Variants in KDM1B observed in about 807,000 individuals in gnomAD.
The protein encoded by KDM1B is lysine-specific histone demethylase 2.
In KDM1B, 63 loss-of-function variants were observed where a neutral mutation model predicts 107.4. The ratio of observed to expected loss-of-function variants is 0.59; its 90% CI spans 0.48 to 0.72. KDM1B has a LOEUF of 0.72. KDM1B is among the 30% of genes least tolerant of loss of function. The pLI, the probability that KDM1B is intolerant of heterozygous loss-of-function variation, is 0.00. For missense variants in KDM1B, 749 were observed against 1,020.8 expected (o/e 0.73, Z 3.63); for synonymous variants, 363 against 363.9 (o/e 1.00, Z 0.03).
rs1788022372 is a variant in KDM1B at position 18,201,406 on chromosome 6, C to T, written c.1360-80C>T. The T allele has an allele frequency of 1.3e-5, 13 of 1,016,316 alleles. No homozygotes were observed. The South Asian group carries it at 2.2e-4, about 17-fold the overall frequency. 63.0% of individuals were successfully genotyped at this position (1,016,316 alleles called of 1,614,324 possible). A position where few individuals can be genotyped will look rare whatever the true frequency, so the allele number is the denominator to read the frequency against. ...TGAGACCATTTTCTCCATGAGAGCT[C>T]TGTCTGATTTTCAGCTTAGAACCTG... On this transcript the variant is annotated intron_variant, in intron 13 of 21. Coordinates refer to ENST00000650836, the MANE Select transcript of KDM1B (RefSeq NM_001364614.2). This position sits in a 1 kb window ranked among gnomAD's most constrained non-coding sequence, Gnocchi z 4.3.
In KDM1B at chr6:18,202,248, C is replaced by A. The variant is rs172521; in HGVS notation, c.1531+591C>A. Among the ~76,000 whole-genome samples, 10 of 149,150 alleles carry A rather than the reference C, an allele frequency of 6.7e-5. No individual in the cohort carries two copies. The South Asian group carries it at 2.1e-3, about 32-fold the overall frequency. On this transcript the variant is annotated intron_variant, in intron 14 of 21. Transcript: ENST00000650836. ...GCCTTGTGTCTACAAAAAAAAAGGG[C>A]GGGGGGCAAGCATGGTGGTGTGTGT... is the stretch of plus-strand genomic sequence containing the variant.
intron 9 of KDM1B, among the ~76,000 whole-genome samples, chr6:18,189,637 A>G (rs1006266013): frequency 3.3e-5 from 5 of 152,226 alleles, no homozygotes; most frequent in African/African-American, 1.2e-4. Context: ...GGTATTGTAC[A>G]CATTAAAAAG....
chr6:18,207,494 C>T lies in KDM1B; in HGVS notation c.1756C>T (p.Leu586=). Residue 586 remains leucine (L), a synonymous_variant, in exon 16 of 22, where the codon CTG becomes TTG. Transcript: ENST00000650836. The part of the protein sequence containing the change: ...TPGYSVIIEK[L]AEGLDIQLKS... ...CGGGTACTCGGTGATAATTGAAAAACTGGCAGAAGGGCTTGACATTCAACT... is the reference window on the plus strand; with the variant it reads ...CGGGTACTCGGTGATAATTGAAAAATTGGCAGAAGGGCTTGACATTCAACT... The T allele has an allele frequency of 6.2e-7, 1 of 1,614,244 alleles. No individual in the cohort carries two copies. Among genetic ancestry groups the T allele is most frequent in the Non-Finnish European group, 8.5e-7 (1 of 1,180,032 alleles).
Position 18,197,739 on chromosome 6 carries a change from A to C in KDM1B, c.1221+78A>C. On this transcript the variant is annotated intron_variant, in intron 12 of 21. Transcript: ENST00000650836. This position sits in a 1 kb window ranked among gnomAD's most constrained non-coding sequence, Gnocchi z 4.5. ...TCCAAATTTCTAAGATTTAGAAACC[A>C]GTTCCTATTTTTAGTGAAGAATACT... 1.0e-6 allele frequency: 1 copy of C among 1,004,206 alleles called. No homozygotes were observed. The highest frequency in any genetic ancestry group is 1.5e-6 in the Non-Finnish European group (1 of 657,126). 62.2% of individuals were successfully genotyped at this position (1,004,206 alleles called of 1,614,324 possible).
chr6:18,217,108 A>G (rs2151041284), intron 20 of KDM1B, among the ~76,000 whole-genome samples: 1 of 152,274 alleles, frequency 6.6e-6, no homozygotes, highest in East Asian at 1.9e-4. Flanking sequence ...CACGATGGAA[A>G]AGGGAAGGCC....
intron 15 of KDM1B, 80 bp from the exon 16 acceptor site, chr6:18,207,318 C>T (rs1327366497): frequency 6.5e-7 from 1 of 1,544,098 alleles, no homozygotes; most frequent in Non-Finnish European, 8.9e-7. Context: ...GCTGTTCCCA[C>T]CTGGAGCTCC....
rs766429003 is a variant in KDM1B at position 18,207,349 on chromosome 6, A to G, written c.1660-49A>G. The G allele has an allele frequency of 2.3e-5, 36 of 1,596,562 alleles. No individual in the cohort carries two copies. The South Asian group carries it at 3.5e-4, about 16-fold the overall frequency. On this transcript the variant is annotated intron_variant, in intron 15 of 21. Transcript: ENST00000650836. ...GCTCCTCATATTGGCTCTCAGGCAC[A>G]GGCACAAGGATTTACACTGCTGTGT... is the stretch of plus-strand genomic sequence containing the variant.
Position 18,166,344 on chromosome 6 carries a change from A to G in KDM1B, c.383A>G (p.Lys128Arg). The change falls in exon 6 of 22, where the codon AAA becomes AGA. Residue 128 changes from lysine to arginine, a missense_variant. Lys to Arg is a conservative substitution (Grantham distance 26). Transcript: ENST00000650836. ...AATGGCAAAACCGAACCTAGTCCCAAAGCTTTCATGGCAGACCAGCAACTC... is the reference window on the plus strand; with the variant it reads ...AATGGCAAAACCGAACCTAGTCCCAGAGCTTTCATGGCAGACCAGCAACTC... The part of the protein sequence containing the change: ...TSNGKTEPSP[K>R]AFMADQQLPY... 1 of 1,613,240 alleles carries G rather than the reference A, an allele frequency of 6.2e-7. No individual in the cohort carries two copies. Among genetic ancestry groups the G allele is most frequent in the Non-Finnish European group, 8.5e-7 (1 of 1,179,160 alleles).
intron 8 of KDM1B, 64 bp from the exon 9 acceptor site, chr6:18,187,728 C>A: frequency 9.1e-7 from 1 of 1,095,908 alleles, no homozygotes; most frequent in Non-Finnish European, 1.4e-6. Flanking sequence ...CTGTCCCTGG[C>A]AGAATCTGCA....
At position 18,213,731 on chromosome 6, in the gene KDM1B, A is replaced by G; in HGVS notation, c.2059A>G (p.Ser687Gly). 2 of 1,614,134 alleles carry G rather than the reference A, an allele frequency of 1.2e-6. No individual in the cohort carries two copies. The highest frequency in any genetic ancestry group is 1.7e-6 in the Non-Finnish European group (2 of 1,179,950). ...GADFFGHVPP[S>G]ASKRGLFAVF... ...TGACTTTTTTGGTCACGTTCCTCCC[A>G]GTGCCAGCAAGCGAGGGCTTTTTGC... Residue 687 changes from serine (S) to glycine (G), a missense_variant, in exon 19 of 22, where the codon AGT becomes GGT. Ser to Gly is a moderately conservative substitution (Grantham distance 56). Transcript: ENST00000650836. The surrounding 1 kb of genome is among the most constrained non-coding windows in gnomAD (Gnocchi z 5.9).
At chr6:18,221,538 G>A (rs1451972098) in intron 21 of KDM1B, among the ~76,000 whole-genome samples, 1 of 152,142 alleles carries the variant, frequency 6.6e-6, no homozygotes, top group African/African-American at 2.4e-5. Flanking sequence ...TCTAGCAAAA[G>A]TCCATCTGTG....
chr6:18,183,407 C>T (rs896006358), intron 7 of KDM1B, among the ~76,000 whole-genome samples: 2 of 151,310 alleles, frequency 1.3e-5, no homozygotes, highest in African/African-American at 2.4e-5. Flanking sequence ...AGCTGGTGCC[C>T]GCCACCACAC....
chr6:18,161,176 A>G (rs1455128390), intron 3 of KDM1B, 151 bp from the exon 4 acceptor site: 1 of 626,664 alleles, frequency 1.6e-6, no homozygotes, highest in Non-Finnish European at 2.8e-6. Context: ...TGCAGTCACC[A>G]GGAAATTGCT....
Position 18,186,020 on chromosome 6 carries a change from GT to G in KDM1B, c.573+212del, listed in dbSNP as rs1469086437. Among the ~76,000 whole-genome samples the G allele has an allele frequency of 6.6e-6, 1 of 152,178 alleles. No homozygotes were observed. The highest frequency in any genetic ancestry group is 1.5e-5 in the Non-Finnish European group (1 of 68,038). On this transcript the variant is annotated intron_variant, in intron 8 of 21. Coordinates refer to ENST00000650836, the MANE Select transcript of KDM1B (RefSeq NM_001364614.2). This position sits in a 1 kb window ranked among gnomAD's most constrained non-coding sequence, Gnocchi z 5.6. ...CCCCAACTTAAAAAATAAAAATAAA[GT>G]TATGTTGCTTTTCATTAAAAGGAAA...
At chr6:18,188,126 T>A in intron 9 of KDM1B, 124 bp downstream of exon 9, 1 of 868,218 alleles carries the variant, frequency 1.2e-6, no homozygotes, top group Non-Finnish European at 1.8e-6. Flanking sequence ...GGCTCATGCC[T>A]GTAATCCCAG....
Position 18,205,595 on chromosome 6 carries a change from G to A in KDM1B, c.1590G>A (p.Glu530=). 9 of 1,545,578 alleles carry A rather than the reference G, an allele frequency of 5.8e-6. No individual in the cohort carries two copies. Among genetic ancestry groups the A allele is most frequent in the Non-Finnish European group, 7.9e-6 (9 of 1,144,480 alleles). The change falls in exon 15 of 22, where the codon GAG becomes GAA. Residue 530 remains glutamate, a synonymous_variant. Coordinates refer to ENST00000650836, the MANE Select transcript of KDM1B (RefSeq NM_001364614.2). The surrounding 1 kb of genome is among the most constrained non-coding windows in gnomAD (Gnocchi z 5.7). ...FIKESGIQFS[E]LEGQVLQFHL... is the part of the protein sequence containing the mutation. Reference sequence around the variant, plus strand: ...AGGAATCTGGTATCCAATTCAGTGAGCTGGAGGGACAGGTGCTTCAGTTCC... The same window carrying A: ...AGGAATCTGGTATCCAATTCAGTGAACTGGAGGGACAGGTGCTTCAGTTCC...
In KDM1B at chr6:18,191,071, A is replaced by G. The variant is rs1787254468; in HGVS notation, c.785-126A>G. On this transcript the variant is annotated intron_variant, in intron 9 of 21. Coordinates refer to ENST00000650836, the MANE Select transcript of KDM1B (RefSeq NM_001364614.2). The surrounding 1 kb of genome is among the most constrained non-coding windows in gnomAD (Gnocchi z 5.1). The stretch of plus-strand genomic sequence containing the variant: ...TTGTCTAACTGGGTGGAGGAAGCAA[A>G]GGTATTTATGTAGGGTAGAGAGTGG... 1.6e-6 allele frequency: 1 copy of G among 642,596 alleles called. No individual in the cohort carries two copies. The highest frequency in any genetic ancestry group is 2.9e-5 in the East Asian group (1 of 35,076). 39.8% of individuals were successfully genotyped at this position (642,596 alleles called of 1,614,324 possible).
rs76803962 is a variant in KDM1B, at chr6:18,169,551, C to T, written c.418-1812C>T. ...TTTTTATATATTTTGGATACTAAAC[C>T]CTTATTAGATCTATGATTTGCAAGT... On this transcript the variant is annotated intron_variant, in intron 6 of 21. Coordinates refer to ENST00000650836, the MANE Select transcript of KDM1B (RefSeq NM_001364614.2). Among the ~76,000 whole-genome samples the T allele has an allele frequency of 8.2e-3, 1,249 of 152,134 alleles. 21 individuals are homozygous for T. The highest frequency in any genetic ancestry group is 0.029 in the African/African-American group (1,192 of 41,506).
At chr6:18,216,182 C>T (rs753317362) in intron 20 of KDM1B, among the ~76,000 whole-genome samples, 2 of 152,146 alleles carry the variant, frequency 1.3e-5, no homozygotes, top group Non-Finnish European at 2.9e-5. Context: ...CGGGTTCAAG[C>T]GATTCTCCTG....
Sources: gnomAD v4.1 joint callset for allele counts (sites outside exome capture counted in the v4.1 genomes callset) on GRCh38, gnomAD v4.1.1 for gene constraint, Gnocchi (gnomAD v3.1) non-coding constraint, MANE v1.5 for transcripts, NCBI Gene and HGNC (gene_info 2026-07-23, HGNC 2026-07-21) for gene names.